SGSM1: variants seen among roughly 807,000 people sequenced by gnomAD.
SGSM1 encodes the protein RUN and TBC1 domain containing 2.
In SGSM1, 73 loss-of-function variants were observed where a neutral mutation model predicts 133.8. The ratio of observed to expected loss-of-function variants is 0.55; its 90% CI spans 0.45 to 0.66. The LOEUF (loss-of-function observed/expected upper bound fraction) is 0.66. Among genes scored for constraint, SGSM1 ranks in the 30% least tolerant of loss-of-function variants. The pLI is 0.00. For missense variants in SGSM1, 1,213 were observed against 1,448.1 expected (o/e 0.84, Z 2.64); for synonymous variants, 563 against 573.0 (o/e 0.98, Z 0.25).
intron 2 of SGSM1, among the ~76,000 whole-genome samples, chr22:24,817,287 A>G (rs768033062): frequency 9.2e-5 from 14 of 152,136 alleles, no homozygotes; most frequent in Non-Finnish European, 1.6e-4. Context: ...CGGGTGTGCA[A>G]ATCCCTGAAG....
In SGSM1 at chr22:24,865,891, TTG is replaced by T. The variant is rs1188241664; in HGVS notation, c.927-1201_927-1200del. Reference sequence around the variant, plus strand: ...TTGACTGTTAGAGGAGTTCCTTGTCTTGCAGGAATGGGCGGCACTAGTACCCC... The same window carrying T: ...TTGACTGTTAGAGGAGTTCCTTGTCTCAGGAATGGGCGGCACTAGTACCCC... On this transcript the variant is annotated intron_variant, in intron 9 of 24. Transcript: ENST00000400358. Among the ~76,000 whole-genome samples the T allele has an allele frequency of 2.0e-3, 298 of 152,272 alleles. 1 individual carries two copies. Among genetic ancestry groups the T allele is most frequent in the African/African-American group, 7.0e-3 (290 of 41,558 alleles).
chr22:24,868,828 A>G lies in SGSM1; in HGVS notation c.1264A>G (p.Ile422Val). The change falls in exon 12 of 25, where the codon ATC (isoleucine) becomes GTC (valine). Residue 422 changes from isoleucine to valine, a missense_variant. Ile to Val is a conservative substitution (Grantham distance 29). Coordinates refer to ENST00000400358, the MANE Select transcript of SGSM1 (RefSeq NM_001098497.3). Reference sequence around the variant, plus strand: ...GGCCACGGATTATGTGTTCAGGATCATCTACCCTGGCATGCAGTCGGAATT... The same window carrying G: ...GGCCACGGATTATGTGTTCAGGATCGTCTACCCTGGCATGCAGTCGGAATT... The part of the protein sequence containing the change: ...DEATDYVFRI[I>V]YPGMQSEFVP... The G allele has an allele frequency of 3.1e-6, 5 of 1,613,972 alleles. No homozygotes were observed. The highest frequency in any genetic ancestry group is 1.3e-5 in the African/African-American group (1 of 75,062).
intron 19 of SGSM1, among the ~76,000 whole-genome samples, chr22:24,901,490 A>G (rs1933159352): frequency 6.6e-6 from 1 of 152,080 alleles, no homozygotes; most frequent in Non-Finnish European, 1.5e-5. Flanking sequence ...TCATTGAGCC[A>G]TTTTGAAATT....
At chr22:24,855,251 G>T in intron 6 of SGSM1, 34 bp from the exon 7 acceptor site, 1 of 1,593,150 alleles carries the variant, frequency 6.3e-7, no homozygotes, top group Non-Finnish European at 8.5e-7. Flanking sequence ...GACTTTCCGG[G>T]GCAGTGGGTT....
At chr22:24,841,668 G>A (rs960288256) in intron 2 of SGSM1, among the ~76,000 whole-genome samples, 2 of 152,258 alleles carry the variant, frequency 1.3e-5, no homozygotes, top group Non-Finnish European at 2.9e-5. Flanking sequence ...CTGGGAGGTG[G>A]TGGTGGAGGG....
chr22:24,910,280 C>G (rs765139950), intron 21 of SGSM1, among the ~76,000 whole-genome samples: 1 of 152,050 alleles, frequency 6.6e-6, no homozygotes, highest in African/African-American at 2.4e-5. Context: ...GTGGTGATTG[C>G]ACAACATTGT....
In SGSM1 at chr22:24,874,514, G is replaced by C. The variant is rs1170498450; in HGVS notation, c.1292-2063G>C. On this transcript the variant is annotated intron_variant, in intron 12 of 24. Transcript: ENST00000400358. ...TCCATGCTGGTGGTGGCCAGAGGGA[G>C]TCAGTGGGAGCCAGCCAGATGGGAC... 9 of 1,612,772 alleles carry C rather than the reference G, an allele frequency of 5.6e-6. No homozygotes were observed. The Middle Eastern group carries it at 1.2e-3, about 206-fold the overall frequency.
chr22:24,913,662 A>G (rs936968326), intron 22 of SGSM1, among the ~76,000 whole-genome samples: 34 of 152,206 alleles, frequency 2.2e-4, no homozygotes, highest in African/African-American at 8.0e-4. Flanking sequence ...TTTGGACATA[A>G]GAAAGGTAAA....
At position 24,924,541 on chromosome 22, in the gene SGSM1, T is replaced by C. The variant is rs1934129267; in HGVS notation, c.*267T>C. The C allele has an allele frequency of 1.0e-5, 5 of 487,002 alleles. No homozygotes were observed. The South Asian group carries it at 1.3e-4, about 13-fold the overall frequency. 30.2% of individuals were successfully genotyped at this position (487,002 alleles called of 1,614,324 possible). A position where few individuals can be genotyped will look rare whatever the true frequency, so the allele number is the denominator to read the frequency against. On this transcript the variant is annotated 3_prime_UTR_variant, in exon 25 of 25. Transcript: ENST00000400358. ...CCTCCCTTGCAGGAGGTGGAGGTTGTTGGTGGAGGAGGAGCCATCTTTGTT... is the reference window on the plus strand; with the variant it reads ...CCTCCCTTGCAGGAGGTGGAGGTTGCTGGTGGAGGAGGAGCCATCTTTGTT...
At chr22:24,855,235 C>A (rs757430860) in intron 6 of SGSM1, 50 bp from the exon 7 acceptor site, 15 of 1,577,418 alleles carry the variant, frequency 9.5e-6, no homozygotes, top group Non-Finnish European at 1.3e-5. Context: ...GGTAGACATG[C>A]GGGAGGACTT....
chr22:24,854,194 G>C (rs145898175), intron 5 of SGSM1, among the ~76,000 whole-genome samples: 2 of 152,254 alleles, frequency 1.3e-5, no homozygotes, highest in East Asian at 3.9e-4. Context: ...ATCCCAGGGG[G>C]CATTTTTGAG....
chr22:24,864,628 T>C (rs1247440650), intron 9 of SGSM1, among the ~76,000 whole-genome samples: 1 of 152,206 alleles, frequency 6.6e-6, no homozygotes, highest in Non-Finnish European at 1.5e-5. Context: ...AAAAGGCACA[T>C]CTGTGGAGTC....
rs73405209 is a variant in SGSM1, at chr22:24,897,880, C to T, written c.2023-92C>T. 0.011 allele frequency: 12,272 copies of T among 1,136,698 alleles called. 886 individuals carry two copies. The African/African-American group carries it at 0.16, about 15-fold the overall frequency. The allele number at this position is 1,136,698 out of a possible 1,614,324, so 70.4% of individuals were successfully genotyped here. ...CTGCATGCTTGATCCATATTTAAGC[C>T]GATCACCTGTTGTTGGATGTTTAGG... On this transcript the variant is annotated intron_variant, in intron 18 of 24. Coordinates refer to ENST00000400358, the MANE Select transcript of SGSM1 (RefSeq NM_001098497.3).
intron 20 of SGSM1, among the ~76,000 whole-genome samples, chr22:24,903,490 G>C (rs1426072060): frequency 2.6e-5 from 4 of 152,098 alleles, no homozygotes; most frequent in Non-Finnish European, 5.9e-5. Flanking sequence ...TTACAGTCAT[G>C]AGCCATCGCA....
intron 2 of SGSM1, among the ~76,000 whole-genome samples, chr22:24,825,571 AG>A (rs1928749335): frequency 6.6e-6 from 1 of 152,086 alleles, no homozygotes; most frequent in African/African-American, 2.4e-5. Flanking sequence ...CTGGGATTAC[AG>A]GCATGTGCCT....
intron 8 of SGSM1, among the ~76,000 whole-genome samples, chr22:24,856,328 C>T (rs543058617): frequency 2.0e-5 from 3 of 152,126 alleles, no homozygotes; most frequent in Non-Finnish European, 2.9e-5. Flanking sequence ...ACTGTTATTG[C>T]GGGCCTCAGT....
Position 24,806,296 on chromosome 22 carries a change from C to T in SGSM1, c.-30C>T. The T allele has an allele frequency of 7.0e-7, 1 of 1,431,328 alleles. No individual in the cohort carries two copies. The highest frequency in any genetic ancestry group is 1.5e-5 in the South Asian group (1 of 68,186). 88.7% of individuals were successfully genotyped at this position (1,431,328 alleles called of 1,614,324 possible). On this transcript the variant is annotated 5_prime_UTR_variant, in exon 1 of 25. Transcript: ENST00000400358. ...ACCGCCGCCACCGCCGCCACCGCCTCCTGGGACTCGGAACGCAGCGCTCGG... is the reference window on the plus strand; with the variant it reads ...ACCGCCGCCACCGCCGCCACCGCCTTCTGGGACTCGGAACGCAGCGCTCGG...
At chr22:24,837,913 AAGATC>A (rs1929561586) in intron 2 of SGSM1, among the ~76,000 whole-genome samples, 1 of 152,232 alleles carries the variant, frequency 6.6e-6, no homozygotes, top group Non-Finnish European at 1.5e-5. Context: ...AATCATATCT[AAGATC>A]TATATCTGGT....
chr22:24,924,125 A>G, intron 24 of SGSM1, 61 bp from the exon 25 acceptor site: 1 of 1,526,950 alleles, frequency 6.5e-7, no homozygotes, highest in Non-Finnish European at 9.0e-7. Context: ...AGGGGCTGGA[A>G]TTGTACCCTA....
Sources: gnomAD v4.1 joint callset for allele counts (sites outside exome capture counted in the v4.1 genomes callset) on GRCh38, gnomAD v4.1.1 for gene constraint, MANE v1.5 for transcripts, NCBI Gene and HGNC (gene_info 2026-07-23, HGNC 2026-07-21) for gene names.